The following PPEF1 variants were observed in gnomAD, a reference collection of about 807,000 sequenced individuals.
PPEF1 encodes the protein protein phosphatase with EF-hand domain 1.
PPEF1 carries 12 observed loss-of-function variants against 53.3 expected under a neutral mutation model. The ratio of observed to expected loss-of-function variants is 0.23; its 90% confidence interval spans 0.14 to 0.36. The LOEUF (loss-of-function observed/expected upper bound fraction) is 0.36. Ranked by LOEUF, PPEF1 falls within the 10% of genes least tolerant of loss-of-function variation. The pLI, the probability that PPEF1 is intolerant of heterozygous loss-of-function variation, is 1.00. For missense variants in PPEF1, 334 were observed against 490.4 expected (o/e 0.68, Z 3.01); for synonymous variants, 165 against 176.7 (o/e 0.93, Z 0.52).
At chrX:18,754,111 C>T (rs1301053921) in intron 4 of PPEF1, among the ~76,000 whole-genome samples, 10 of 110,368 alleles carry the variant, frequency 9.1e-5, no homozygotes, top group Non-Finnish European at 1.9e-5. Flanking sequence ...GATTGGCTCT[C>T]TGTTGGAGCA....
At chrX:18,740,549 A>G (rs1175971501) in intron 3 of PPEF1, among the ~76,000 whole-genome samples, 1 of 109,922 alleles carries the variant, frequency 9.1e-6, no homozygotes, top group Non-Finnish European at 1.9e-5. Context: ...GTCTGGGATT[A>G]CAGGTGCTTG....
At chrX:18,817,542 A>G (rs1317546820) in intron 12 of PPEF1, among the ~76,000 whole-genome samples, 2 of 110,426 alleles carry the variant, frequency 1.8e-5, no homozygotes, top group Admixed American at 9.7e-5. Context: ...GGGTTTCACA[A>G]TTTTGGCCAG....
intron 6 of PPEF1, among the ~76,000 whole-genome samples, chrX:18,774,696 A>C (rs752179669): frequency 2.7e-5 from 3 of 112,380 alleles, no homozygotes; most frequent in Admixed American, 1.9e-4. Flanking sequence ...TATCACCCTG[A>C]GAACTTAATG....
chrX:18,730,387 G>A (rs1037573424), intron 2 of PPEF1, 79 bp downstream of exon 2: 1 of 1,111,474 alleles, frequency 9.0e-7, no homozygotes, highest in African/African-American at 1.8e-5. Flanking sequence ...GAAAGTTTGG[G>A]TCCATTTTAA....
intron 14 of PPEF1, 137 bp downstream of exon 14, chrX:18,824,223 C>G (rs976952590): frequency 1.1e-5 from 7 of 624,818 alleles, no homozygotes; most frequent in Non-Finnish European, 1.4e-5. Context: ...GGGCAGATCC[C>G]GAGGTCAGGA....
At chrX:18,731,955 C>T (rs1306584853) in intron 2 of PPEF1, among the ~76,000 whole-genome samples, 1 of 111,718 alleles carries the variant, frequency 9.0e-6, no homozygotes, top group Non-Finnish European at 1.9e-5. Flanking sequence ...GGCACGATTT[C>T]AGATCACTGC....
At chrX:18,750,856 T>TA (rs2045428304) in intron 4 of PPEF1, among the ~76,000 whole-genome samples, 1 of 111,598 alleles carries the variant, frequency 9.0e-6, no homozygotes, top group Non-Finnish European at 1.9e-5. Flanking sequence ...ATTTTGTTTT[T>TA]TTTTTTATTT....
intron 1 of PPEF1, among the ~76,000 whole-genome samples, chrX:18,676,977 C>G (rs1928698154): frequency 9.1e-6 from 1 of 110,366 alleles, no homozygotes; most frequent in African/African-American, 3.3e-5. Context: ...TTTCTCCATT[C>G]CAGGAGGGAA....
intron 9 of PPEF1, among the ~76,000 whole-genome samples, chrX:18,787,125 T>C (rs2046221206): frequency 8.9e-6 from 1 of 112,123 alleles, no homozygotes; most frequent in Non-Finnish European, 1.9e-5. Context: ...GTGAAAATGA[T>C]AGGTTCAACC....
chrX:18,793,202 CTA>C (rs1481105279), intron 10 of PPEF1, among the ~76,000 whole-genome samples: 2 of 109,344 alleles, frequency 1.8e-5, no homozygotes, highest in African/African-American at 6.7e-5. Context: ...CTTAAGTTTG[CTA>C]TGTTATTAAA....
chrX:18,789,277 G>C lies in PPEF1; in HGVS notation c.1065+4G>C, dbSNP rs771883839. 1 of 1,204,002 alleles carries C rather than the reference G, an allele frequency of 8.3e-7. No individual in the cohort carries two copies. The highest frequency in any genetic ancestry group is 1.7e-5 in the African/African-American group (1 of 57,731). On this transcript the variant is annotated splice_donor_region_variant and intron_variant, in intron 10 of 15. Coordinates refer to ENST00000470157, the MANE Select transcript of PPEF1 (RefSeq NM_001377996.1). ...AACAGAGCATGAATGGGAACAGGTA[G>C]GTAATCAGGGTGTTCACTGCAGTGG...
At chrX:18,698,365 G>A (rs373516569) in intron 5 of PPEF1, among the ~76,000 whole-genome samples, 4 of 112,417 alleles carry the variant, frequency 3.6e-5, no homozygotes, top group Non-Finnish European at 5.6e-5. Flanking sequence ...AATCCAATTC[G>A]TGGTCCAGGA....
intron 3 of PPEF1, among the ~76,000 whole-genome samples, chrX:18,749,513 A>T (rs1209251079): frequency 7.2e-5 from 8 of 111,447 alleles, no homozygotes; most frequent in African/African-American, 2.0e-4. Context: ...TTGATTGGCT[A>T]GTTTTCCCTG....
chrX:18,817,307 T>TTA (rs1263423916), intron 12 of PPEF1, among the ~76,000 whole-genome samples: 1 of 110,918 alleles, frequency 9.0e-6, no homozygotes, highest in Non-Finnish European at 1.9e-5. Flanking sequence ...TACCTCTGTA[T>TTA]TATATATATT....
chrX:18,691,508 G>A (rs892383407), intron 4 of PPEF1: 1 of 111,956 alleles, frequency 8.9e-6, no homozygotes, highest in Non-Finnish European at 1.9e-5. Flanking sequence ...GTCTAGATCA[G>A]TTTTGCCCAA....
At chrX:18,685,548 G>A (rs767027984) in intron 2 of PPEF1, among the ~76,000 whole-genome samples, 8 of 110,199 alleles carry the variant, frequency 7.3e-5, no homozygotes, top group African/African-American at 2.3e-4. Context: ...AGCCGGCCGC[G>A]GTGGCGGGTG....
chrX:18,764,801 G>A (rs769293768), intron 6 of PPEF1, among the ~76,000 whole-genome samples: 7 of 111,575 alleles, frequency 6.3e-5, no homozygotes, highest in East Asian at 5.6e-4. Flanking sequence ...AAATTAAATC[G>A]GGAACGTAGT....
chrX:18,738,102 T>C (rs766114610), intron 3 of PPEF1, among the ~76,000 whole-genome samples: 237 of 111,275 alleles, frequency 2.1e-3, no homozygotes, highest in Non-Finnish European at 3.7e-3. Flanking sequence ...TGTCTTTTAA[T>C]TGGAGCATTT....
chrX:18,808,756 T>G (rs2046737052), intron 12 of PPEF1, among the ~76,000 whole-genome samples: 1 of 111,254 alleles, frequency 9.0e-6, no homozygotes, highest in African/African-American at 3.3e-5. Flanking sequence ...AGACAAAACC[T>G]AAGTGTTGAC....
Sources: allele counts gnomAD v4.1 joint callset (sites outside exome capture counted in the v4.1 genomes callset), GRCh38; gene constraint gnomAD v4.1.1; transcripts MANE v1.5; gene names NCBI Gene and HGNC (gene_info 2026-07-23, HGNC 2026-07-21).